KLHL22: variants seen among roughly 807,000 people sequenced by gnomAD.
KLHL22 encodes kelch-like protein 22.
A neutral mutation model predicts 60.7 loss-of-function variants in KLHL22; 18 were observed. That is an observed-to-expected ratio of 0.30 (90% CI 0.20 to 0.44). The LOEUF is 0.44. KLHL22 is among the 20% of genes least tolerant of loss of function. The probability of loss-of-function intolerance (pLI) is 1.00; values close to 1 mark genes in which losing one functional copy is unlikely to be tolerated. For missense variants in KLHL22, 596 were observed against 852.3 expected, an observed-to-expected ratio of 0.70 and a Z score of 3.74; for synonymous variants, 355 against 354.5, an observed-to-expected ratio of 1.00 and a Z score of -0.01.
intron 2 of KLHL22, among the ~76,000 whole-genome samples, chr22:20,486,683 CTTTT>C (rs60166792): frequency 1.4e-5 from 2 of 140,802 alleles, no homozygotes; most frequent in Non-Finnish European, 1.6e-5. Flanking sequence ...TATTTCTTTT[CTTTT>C]TTTTTTTTTT....
intron 2 of KLHL22, among the ~76,000 whole-genome samples, chr22:20,486,563 C>T (rs1003448697): frequency 6.6e-6 from 1 of 152,202 alleles, no homozygotes; most frequent in Non-Finnish European, 1.5e-5. Context: ...TATTACAAGC[C>T]TCTCACACAT....
intron 2 of KLHL22, 189 bp downstream of exon 2, chr22:20,488,796 T>C: frequency 1.7e-6 from 1 of 593,506 alleles, no homozygotes. Context: ...AGAAACAGGA[T>C]CACTGAATGA....
chr22:20,486,135 C>G (rs2053583028), intron 2 of KLHL22, among the ~76,000 whole-genome samples: 1 of 143,946 alleles, frequency 6.9e-6, no homozygotes, highest in Non-Finnish European at 1.5e-5. Context: ...CCACTGCACT[C>G]CAGCCTGGGT....
chr22:20,479,979 C>T (rs962086586), intron 2 of KLHL22, among the ~76,000 whole-genome samples: 5 of 152,114 alleles, frequency 3.3e-5, no homozygotes, highest in African/African-American at 1.2e-4. Flanking sequence ...AATAGACAAA[C>T]AAAATGTGGT....
chr22:20,471,874 A>T (rs1002868437), intron 2 of KLHL22, among the ~76,000 whole-genome samples: 2 of 152,332 alleles, frequency 1.3e-5, no homozygotes, highest in Middle Eastern at 3.4e-3. Flanking sequence ...GCAATGAATT[A>T]ATTAATGGGA....
Position 20,465,612 on chromosome 22 carries a change from G to T in KLHL22, c.394-36C>A, listed in dbSNP as rs1278329403. On this transcript the variant is annotated intron_variant, in intron 3 of 6. Coordinates refer to ENST00000328879, the MANE Select transcript of KLHL22 (RefSeq NM_032775.4). This position sits in a 1 kb window ranked among gnomAD's most constrained non-coding sequence, Gnocchi z 4.9. ...AATGACACCCATTCAAGCCTGGGCT[G>T]GTGAACAGCATCTGGGGGTGGGAGA... The T allele has an allele frequency of 9.7e-7, 1 of 1,025,882 alleles. No homozygotes were observed. The highest frequency in any genetic ancestry group is 1.6e-6 in the Non-Finnish European group (1 of 643,402). 63.5% of individuals were successfully genotyped at this position (1,025,882 alleles called of 1,614,324 possible). A position where few individuals can be genotyped will look rare whatever the true frequency, so the allele number is the denominator to read the frequency against.
At chr22:20,486,048 G>A (rs576118532) in intron 2 of KLHL22, among the ~76,000 whole-genome samples, 30 of 143,744 alleles carry the variant, frequency 2.1e-4, no homozygotes, top group Non-Finnish European at 3.3e-4. Context: ...CACACCTGTA[G>A]TCCCAGCTAC....
Position 20,465,151 on chromosome 22 carries a change from G to T in KLHL22, c.819C>A (p.Ala273=). Residue 273 remains alanine (A), a synonymous_variant, in exon 4 of 7, where the codon GCC becomes GCA. Coordinates refer to ENST00000328879, the MANE Select transcript of KLHL22 (RefSeq NM_032775.4). This position sits in a 1 kb window ranked among gnomAD's most constrained non-coding sequence, Gnocchi z 4.9. ...GGCTCTCGTTCCGGTGGTACATGAG[G>T]GCGCTGGCCACTGTGTCCCTCAAAG... ...PSPLRDTVAS[A]LMYHRNESLQ... 1 of 1,613,888 alleles carries T rather than the reference G, an allele frequency of 6.2e-7. No individual in the cohort carries two copies. The highest frequency in any genetic ancestry group is 8.5e-7 in the Non-Finnish European group (1 of 1,180,030).
At chr22:20,467,877 C>G (rs1267703382) in intron 3 of KLHL22, among the ~76,000 whole-genome samples, 1 of 152,198 alleles carries the variant, frequency 6.6e-6, no homozygotes, top group East Asian at 1.9e-4. Flanking sequence ...CCAGGATGGT[C>G]TCGATCTCCT....
chr22:20,479,268 A>G (rs556915969), intron 2 of KLHL22, among the ~76,000 whole-genome samples: 2 of 152,252 alleles, frequency 1.3e-5, no homozygotes, highest in East Asian at 3.9e-4. Context: ...AATATATTAA[A>G]AAAAAATTAT....
chr22:20,457,652 G>A, intron 5 of KLHL22, 156 bp downstream of exon 5: 1 of 626,786 alleles, frequency 1.6e-6, no homozygotes, highest in Admixed American at 2.9e-5. Flanking sequence ...CCTCATCAAT[G>A]CATTCAATGC....
chr22:20,450,851 G>A, intron 5 of KLHL22: 3 of 1,606,570 alleles, frequency 1.9e-6, no homozygotes, highest in South Asian at 2.2e-5. Context: ...ATCCACTATG[G>A]TTTACAATGC....
rs1336113006 is a variant in KLHL22 at position 20,445,370 on chromosome 22, G to A, written c.1539+1073C>T. On this transcript the variant is annotated intron_variant, in intron 6 of 6. Coordinates refer to ENST00000328879, the MANE Select transcript of KLHL22 (RefSeq NM_032775.4). ...TTACAGGCGCCCATCACCGCACCTG[G>A]CTAATTTTTGTATTTTTAGTAGAGA... Among the ~76,000 whole-genome samples the A allele has an allele frequency of 5.9e-5, 9 of 151,790 alleles. No homozygotes were observed. The East Asian group carries it at 1.6e-3, about 26-fold the overall frequency.
intron 6 of KLHL22, among the ~76,000 whole-genome samples, chr22:20,442,750 C>T (rs909253745): frequency 6.6e-6 from 1 of 152,224 alleles, no homozygotes; most frequent in Non-Finnish European, 1.5e-5. Context: ...TCTCTGCCCC[C>T]GAGTGTGTGG....
At chr22:20,473,651 C>T (rs562904429) in intron 2 of KLHL22, among the ~76,000 whole-genome samples, 3 of 152,188 alleles carry the variant, frequency 2.0e-5, no homozygotes, top group South Asian at 4.1e-4. Context: ...CGAGGCAGGC[C>T]GATCATCTGA....
At position 20,447,544 on chromosome 22, in the gene KLHL22, C is replaced by CTTT. The variant is rs11463939; in HGVS notation, c.1306-871_1306-869dup. On this transcript the variant is annotated intron_variant, in intron 5 of 6. Coordinates refer to ENST00000328879, the MANE Select transcript of KLHL22 (RefSeq NM_032775.4). ...CCAGTAGGGGTCTGGGGAGGTTTTT[C>CTTT]TTTTTTTTTTTTTTTTTGAGACGGA... is the stretch of plus-strand genomic sequence containing the variant. Among the ~76,000 whole-genome samples, 75 of 135,444 alleles carry CTTT rather than the reference C, an allele frequency of 5.5e-4. 2 individuals carry two copies. In the South Asian group the frequency reaches 9.9e-3, roughly 18 times the overall value. 88.9% of individuals were successfully genotyped at this position (135,444 alleles called of 152,430 possible).
rs534306250 is a variant in KLHL22, at chr22:20,446,413, C to A, written c.1539+30G>T. On this transcript the variant is annotated intron_variant, in intron 6 of 6. Coordinates refer to ENST00000328879, the MANE Select transcript of KLHL22 (RefSeq NM_032775.4). Reference sequence around the variant, plus strand: ...CAACTGAGAGGCTTGGGAATGATGACGGGTGTGGACTGCCCCGGGCCCCAC... The same window carrying A: ...CAACTGAGAGGCTTGGGAATGATGAAGGGTGTGGACTGCCCCGGGCCCCAC... The A allele has an allele frequency of 6.6e-6, 8 of 1,210,898 alleles. No homozygotes were observed. In the East Asian group the frequency reaches 1.9e-4, roughly 29 times the overall value. 75.0% of individuals were successfully genotyped at this position (1,210,898 alleles called of 1,614,324 possible). A position where few individuals can be genotyped will look rare whatever the true frequency, so the allele number is the denominator to read the frequency against.
chr22:20,465,630 G>T lies in KLHL22; in HGVS notation c.394-54C>A, dbSNP rs2053222700. The T allele has an allele frequency of 1.1e-6, 1 of 885,524 alleles. No homozygotes were observed. The highest frequency in any genetic ancestry group is 1.6e-5 in the African/African-American group (1 of 61,004). The allele number at this position is 885,524 out of a possible 1,614,324, so 54.9% of individuals were successfully genotyped here. Reference sequence around the variant, plus strand: ...CTGGGCTGGTGAACAGCATCTGGGGGTGGGAGAGAGAATGATGGCAGAAAT... The same window carrying T: ...CTGGGCTGGTGAACAGCATCTGGGGTTGGGAGAGAGAATGATGGCAGAAAT... On this transcript the variant is annotated intron_variant, in intron 3 of 6. Coordinates refer to ENST00000328879, the MANE Select transcript of KLHL22 (RefSeq NM_032775.4). This position sits in a 1 kb window ranked among gnomAD's most constrained non-coding sequence, Gnocchi z 4.9.
intron 1 of KLHL22, among the ~76,000 whole-genome samples, chr22:20,494,160 G>A (rs1315342024): frequency 6.6e-6 from 1 of 151,984 alleles, no homozygotes; most frequent in Non-Finnish European, 1.5e-5. Flanking sequence ...GTCCAGGTAG[G>A]TGGAGTTCAA....
Sources: allele counts gnomAD v4.1 joint callset (sites outside exome capture counted in the v4.1 genomes callset), GRCh38; gene constraint gnomAD v4.1.1; non-coding constraint Gnocchi (gnomAD v3.1); transcripts MANE v1.5; gene names NCBI Gene and HGNC (gene_info 2026-07-23, HGNC 2026-07-21).